The following PCDH15 variants were observed in gnomAD, a reference collection of about 807,000 sequenced individuals.
PCDH15 encodes protocadherin-15.
A neutral mutation model predicts 178.5 loss-of-function variants in PCDH15; 129 were observed. That is an observed-to-expected ratio of 0.72 (90% CI 0.63 to 0.84). The LOEUF (loss-of-function observed/expected upper bound fraction) is 0.84. PCDH15 is among the 40% of genes least tolerant of loss of function. PCDH15 has a pLI of 0.00. For missense variants in PCDH15, 2,230 were observed against 2,099.9 expected (o/e 1.06, Z -1.21); for synonymous variants, 800 against 732.0 (o/e 1.09, Z -1.50).
At chr10:55,419,666 T>A (rs1438646304) in intron 2 of PCDH15, among the ~76,000 whole-genome samples, 1 of 151,744 alleles carries the variant, frequency 6.6e-6, no homozygotes, top group Non-Finnish European at 1.5e-5. Flanking sequence ...CCAACAGAAA[T>A]GATTTTTTCT....
intron 8 of PCDH15, among the ~76,000 whole-genome samples, chr10:54,278,681 A>G (rs925656519): frequency 6.6e-6 from 1 of 151,558 alleles, no homozygotes; most frequent in Non-Finnish European, 1.5e-5. Flanking sequence ...AGTTGAGATC[A>G]TTTTGTCAGC....
chr10:55,107,442 A>G (rs377629083), intron 2 of PCDH15, among the ~76,000 whole-genome samples: 7 of 149,234 alleles, frequency 4.7e-5, no homozygotes, highest in Admixed American at 4.7e-4. Flanking sequence ...TACCACAAAT[A>G]TTCATAGAAA....
intron 13 of PCDH15, among the ~76,000 whole-genome samples, chr10:54,155,505 A>C (rs966800533): frequency 7.9e-5 from 12 of 152,314 alleles, no homozygotes; most frequent in African/African-American, 2.6e-4. Flanking sequence ...TTACTACTAA[A>C]TAATAAAATA....
chr10:53,994,123 C>T (rs1228886027), intron 21 of PCDH15, among the ~76,000 whole-genome samples: 1 of 152,162 alleles, frequency 6.6e-6, no homozygotes, highest in East Asian at 1.9e-4. Flanking sequence ...GAACAGACAA[C>T]AGACCAAGAC....
At chr10:55,223,573 A>G (rs911276226) in intron 1 of PCDH15, among the ~76,000 whole-genome samples, 8 of 152,154 alleles carry the variant, frequency 5.3e-5, no homozygotes, top group Non-Finnish European at 7.3e-5. Context: ...GCAACTTGAT[A>G]TATAGGAGGT....
chr10:55,444,052 T>C (rs974383625), intron 2 of PCDH15, among the ~76,000 whole-genome samples: 5 of 151,292 alleles, frequency 3.3e-5, no homozygotes, highest in Non-Finnish European at 7.4e-5. Flanking sequence ...TCAAACACCA[T>C]ATGTCCTCAC....
At chr10:55,395,233 A>C (rs1029629246) in intron 2 of PCDH15, among the ~76,000 whole-genome samples, 1 of 94,964 alleles carries the variant, frequency 1.1e-5, no homozygotes, top group Non-Finnish European at 2.2e-5. Flanking sequence ...GAGAGAGAGA[A>C]AGAGACTACG....
chr10:54,786,244 T>A (rs1398783503), intron 1 of PCDH15, among the ~76,000 whole-genome samples: 3 of 151,804 alleles, frequency 2.0e-5, no homozygotes, highest in Admixed American at 6.6e-5. Context: ...ATCTGAGGAG[T>A]CCATAGTTAA....
At chr10:53,834,424 T>TTGA (rs978506025) in intron 29 of PCDH15, among the ~76,000 whole-genome samples, 24 of 152,022 alleles carry the variant, frequency 1.6e-4, no homozygotes, top group Non-Finnish European at 2.4e-4. Context: ...TTTATTTTGT[T>TTGA]TTTTAGTATT....
At chr10:54,074,498 T>C (rs2094304092) in intron 17 of PCDH15, among the ~76,000 whole-genome samples, 1 of 152,220 alleles carries the variant, frequency 6.6e-6, no homozygotes, top group Non-Finnish European at 1.5e-5. Flanking sequence ...TCAAGATTTA[T>C]CTGTGATATA....
chr10:55,453,571 AAAGTTTGCC>A (rs1352260224), intron 2 of PCDH15, among the ~76,000 whole-genome samples: 1 of 152,058 alleles, frequency 6.6e-6, no homozygotes, highest in Non-Finnish European at 1.5e-5. Context: ...TATACTGAAA[AAAGTTTGCC>A]ACCAGTTTGG....
intron 3 of PCDH15, among the ~76,000 whole-genome samples, chr10:54,444,061 T>G (rs1295170515): frequency 6.6e-6 from 1 of 151,736 alleles, no homozygotes; most frequent in African/African-American, 2.4e-5. Context: ...TTAAAACTAA[T>G]TCAGAATGTC....
rs991452774 is a variant in PCDH15, at chr10:55,374,023, T to C, written c.-155-207372A>G. 3.3e-5 allele frequency among the ~76,000 whole-genome samples: 5 copies of C among 151,632 alleles called. No individual in the cohort carries two copies. In the East Asian group the frequency reaches 9.8e-4, roughly 30 times the overall value. On this transcript the variant is annotated intron_variant, in intron 2 of 5. Transcript: ENST00000613346. Reference sequence around the variant, plus strand: ...GGTTGATGGATGCAGCAAACCACCATGCATGTGTATACCTATGTAACACAC... The same window carrying C: ...GGTTGATGGATGCAGCAAACCACCACGCATGTGTATACCTATGTAACACAC...
intron 2 of PCDH15, among the ~76,000 whole-genome samples, chr10:55,486,019 G>T (rs553881065): frequency 6.6e-6 from 1 of 151,778 alleles, no homozygotes; most frequent in African/African-American, 2.4e-5. Flanking sequence ...ACTTACTGAT[G>T]GATGAATTAA....
rs770060277 is a variant in PCDH15 at position 54,195,836 on chromosome 10, T to C, written c.1152A>G (p.Glu384=). 10 of 1,613,994 alleles carry C rather than the reference T, an allele frequency of 6.2e-6. No homozygotes were observed. The African/African-American group carries it at 6.7e-5, about 11-fold the overall frequency. The stretch of plus-strand genomic sequence containing the variant: ...GACTTTGATTGTTTTCATCCAGTAT[T>C]TCAATGTGTAGACCGGCAAAGGCAG... The part of the protein sequence containing the change: ...PLPAFAGLHI[E]ILDENNQSPY... The change falls in exon 11 of 38, where the codon GAA becomes GAG. Residue 384 remains glutamate, a synonymous_variant. Coordinates refer to ENST00000644397, the MANE Select transcript of PCDH15 (RefSeq NM_001384140.1).
In PCDH15 at chr10:54,348,796, T is replaced by C. The variant is rs73248069; in HGVS notation, c.475-2312A>G. On this transcript the variant is annotated intron_variant, in intron 5 of 37. Coordinates refer to ENST00000644397, the MANE Select transcript of PCDH15 (RefSeq NM_001384140.1). ...ATTGAATTTATTAGTTCAAGAAATT[T>C]AAATTTTGTATCCTTTGACCAACAT... Among the ~76,000 whole-genome samples the C allele has an allele frequency of 7.6e-3, 1,150 of 152,304 alleles. 14 individuals are homozygous for C. Among genetic ancestry groups the C allele is most frequent in the African/African-American group, 0.026 (1,087 of 41,576 alleles).
intron 3 of PCDH15, among the ~76,000 whole-genome samples, chr10:54,818,970 A>T (rs1219125897): frequency 6.6e-6 from 1 of 151,952 alleles, no homozygotes; most frequent in Non-Finnish European, 1.5e-5. Context: ...TGTTGTGCAG[A>T]CTGAAGAGCT....
At chr10:54,198,322 TA>T (rs1190181436) in intron 10 of PCDH15, among the ~76,000 whole-genome samples, 1 of 151,930 alleles carries the variant, frequency 6.6e-6, no homozygotes, top group Non-Finnish European at 1.5e-5. Context: ...TTTCACTGTT[TA>T]AAACTAATTG....
intron 2 of PCDH15, among the ~76,000 whole-genome samples, chr10:55,142,031 A>G (rs1352990594): frequency 6.6e-6 from 1 of 152,134 alleles, no homozygotes; most frequent in East Asian, 1.9e-4. Context: ...CATTATCTGC[A>G]CAATATATGG....
Sources: gnomAD v4.1 joint callset for allele counts (sites outside exome capture counted in the v4.1 genomes callset) on GRCh38, gnomAD v4.1.1 for gene constraint, MANE v1.5 for transcripts, NCBI Gene and HGNC (gene_info 2026-07-23, HGNC 2026-07-21) for gene names.